The following THUMPD3 variants were observed in gnomAD, a reference collection of about 807,000 sequenced individuals.
THUMPD3 encodes THUMP domain 3 tRNA guanosine methyltransferase.
In THUMPD3, 44 loss-of-function variants were observed where a neutral mutation model predicts 54.5. The observed-to-expected ratio is 0.81, with a 90% CI of 0.63 to 1.04. The LOEUF is 1.04. THUMPD3 is among the 50% of genes least tolerant of loss of function. The pLI, the probability that THUMPD3 is intolerant of heterozygous loss-of-function variation, is 0.00. For synonymous variants in THUMPD3, 196 were observed against 201.4 expected, an observed-to-expected ratio of 0.97 and a Z score of 0.23; for missense variants, 604 against 601.3, an observed-to-expected ratio of 1.00 and a Z score of -0.05.
chr3:9,384,049 T>C (rs1335839828), intron 8 of THUMPD3, among the ~76,000 whole-genome samples, 163 bp from the exon 9 acceptor site: 1 of 152,264 alleles, frequency 6.6e-6, no homozygotes, highest in African/African-American at 2.4e-5. Flanking sequence ...CTAAGCAGTT[T>C]ACTAACTCAA....
chr3:9,377,601 C>G (rs1034063901), intron 5 of THUMPD3, among the ~76,000 whole-genome samples: 4 of 152,136 alleles, frequency 2.6e-5, no homozygotes, highest in Admixed American at 2.6e-4. Flanking sequence ...TCTTGAATTC[C>G]TGACCTCAAG....
chr3:9,375,908 A>G (rs1205693577), intron 5 of THUMPD3, among the ~76,000 whole-genome samples: 2 of 152,214 alleles, frequency 1.3e-5, no homozygotes, highest in African/African-American at 2.4e-5. Context: ...CTGCATTCAT[A>G]TATTTGGTCC....
chr3:9,382,078 C>T (rs1437338644), intron 7 of THUMPD3, among the ~76,000 whole-genome samples: 10 of 152,040 alleles, frequency 6.6e-5, no homozygotes, highest in African/African-American at 1.7e-4. Context: ...CCACTGTGCC[C>T]GGCCTCAACC....
intron 7 of THUMPD3, among the ~76,000 whole-genome samples, chr3:9,382,035 G>T (rs1321546462): frequency 6.6e-6 from 1 of 151,364 alleles, no homozygotes; most frequent in African/African-American, 2.4e-5. Flanking sequence ...TGCCCACCTT[G>T]GCCTCCCAAA....
At chr3:9,364,886 C>T in intron 1 of THUMPD3, 130 bp from the exon 2 acceptor site, 1 of 679,522 alleles carries the variant, frequency 1.5e-6, no homozygotes, top group Non-Finnish European at 2.4e-6. Context: ...GTTTATTCAA[C>T]CCTTTTTACT....
intron 5 of THUMPD3, among the ~76,000 whole-genome samples, chr3:9,375,659 C>T (rs2032407263): frequency 6.6e-6 from 1 of 152,178 alleles, no homozygotes; most frequent in South Asian, 2.1e-4. Flanking sequence ...GACAGGGATA[C>T]ATTCTGAAAA....
intron 6 of THUMPD3, among the ~76,000 whole-genome samples, chr3:9,378,565 A>G (rs922284643): frequency 1.3e-5 from 2 of 152,246 alleles, no homozygotes; most frequent in Non-Finnish European, 2.9e-5. Flanking sequence ...TAGTTCTTCC[A>G]TATAGTATAC....
At position 9,384,910 on chromosome 3, in the gene THUMPD3, C is replaced by A; in HGVS notation, c.*222C>A. 1 of 518,800 alleles carries A rather than the reference C, an allele frequency of 1.9e-6. No homozygotes were observed. The highest frequency in any genetic ancestry group is 1.9e-5 in the African/African-American group (1 of 52,190). 32.1% of individuals were successfully genotyped at this position (518,800 alleles called of 1,614,324 possible). A position where few individuals can be genotyped will look rare whatever the true frequency, so the allele number is the denominator to read the frequency against. ...ACTGTAATTCCAGCAGTTTAGGAAG[C>A]CGAAGTGTGCAGATCACCTGAGGTC... On this transcript the variant is annotated 3_prime_UTR_variant, in exon 10 of 10. Coordinates refer to ENST00000452837, the MANE Select transcript of THUMPD3 (RefSeq NM_001114092.2).
rs1270654227 is a variant in THUMPD3 at position 9,385,922 on chromosome 3, C to T, written c.*1234C>T. On this transcript the variant is annotated 3_prime_UTR_variant, in exon 10 of 10. Transcript: ENST00000452837. ...GAGAGTTTTGTGGAAAATGGTGCTT[C>T]CCTGGAACAAAGAGTAGTTGAGGTT... 6.6e-6 allele frequency: 1 copy of T among 152,170 alleles called. No individual in the cohort carries two copies. Among genetic ancestry groups the T allele is most frequent in the Non-Finnish European group, 1.5e-5 (1 of 68,028 alleles). The allele number at this position is 152,170 out of a possible 1,614,324, so 9.4% of individuals were successfully genotyped here.
intron 2 of THUMPD3, 73 bp downstream of exon 2, chr3:9,365,393 C>T: frequency 1.3e-6 from 2 of 1,531,332 alleles, no homozygotes; most frequent in South Asian, 1.2e-5. Context: ...TTTATAGACC[C>T]TTCTGGAATC....
chr3:9,363,502 TGGCACA>T (rs769019115), intron 1 of THUMPD3: 6 of 152,198 alleles, frequency 3.9e-5, no homozygotes, highest in Non-Finnish European at 5.9e-5. Flanking sequence ...CGTGTATCGC[TGGCACA>T]GCACAAGGAC....
At chr3:9,382,354 T>C (rs948095263) in intron 7 of THUMPD3, among the ~76,000 whole-genome samples, 9 of 152,288 alleles carry the variant, frequency 5.9e-5, no homozygotes, top group African/African-American at 2.2e-4. Flanking sequence ...ATGAGGAGGA[T>C]TTAAATCCTT....
Position 9,379,647 on chromosome 3 carries a change from AT to A in THUMPD3, c.1009-855del, listed in dbSNP as rs545364244. 1.2e-3 allele frequency among the ~76,000 whole-genome samples: 187 copies of A among 152,330 alleles called. 1 individual carries two copies. Among genetic ancestry groups the A allele is most frequent in the African/African-American group, 4.4e-3 (184 of 41,562 alleles). On this transcript the variant is annotated intron_variant, in intron 6 of 9. Transcript: ENST00000452837. ...TTATAATTACAAAATCCTTCCAGTG[AT>A]ATGGTGGTTACCATTCAAAAGCCTA...
In THUMPD3 at chr3:9,380,495, T is replaced by C. The variant is rs371678607; in HGVS notation, c.1009-8T>C. 97 of 1,582,002 alleles carry C rather than the reference T, an allele frequency of 6.1e-5. 1 individual carries two copies. Among genetic ancestry groups the C allele is most frequent in the African/African-American group, 4.7e-4 (35 of 74,038 alleles). On this transcript the variant is annotated splice_polypyrimidine_tract_variant and splice_region_variant and intron_variant, in intron 6 of 9. Transcript: ENST00000452837. ...ACTTTTGTTTTAACATACACTCTTATCTTTTAGGGGGCCACTGAATGGTCT... is the reference window on the plus strand; with the variant it reads ...ACTTTTGTTTTAACATACACTCTTACCTTTTAGGGGGCCACTGAATGGTCT...
At chr3:9,373,968 T>G (rs2032257137) in intron 4 of THUMPD3, among the ~76,000 whole-genome samples, 2 of 152,170 alleles carry the variant, frequency 1.3e-5, no homozygotes, top group Non-Finnish European at 2.9e-5. Context: ...AAATCTTAAG[T>G]TTTCAGTAAG....
chr3:9,377,183 T>C lies in THUMPD3; in HGVS notation c.939-636T>C, dbSNP rs1405748890. Among the ~76,000 whole-genome samples the C allele has an allele frequency of 2.0e-5, 3 of 152,114 alleles. No individual in the cohort carries two copies. In the East Asian group the frequency reaches 5.8e-4, roughly 29 times the overall value. ...AGGTTTCTGTTGAAAACAACACTGT[T>C]GTCAAAAAGTATGCATGAGCGTGTG... On this transcript the variant is annotated intron_variant, in intron 5 of 9. Transcript: ENST00000452837.
intron 3 of THUMPD3, among the ~76,000 whole-genome samples, chr3:9,367,997 G>A (rs564542787): frequency 9.9e-5 from 15 of 152,112 alleles, no homozygotes; most frequent in African/African-American, 2.9e-4. Context: ...CCCGGGAGGC[G>A]GAGCTGGCAG....
At position 9,384,733 on chromosome 3, in the gene THUMPD3, C is replaced by T. The variant is rs2033213339; in HGVS notation, c.*45C>T. The T allele has an allele frequency of 6.2e-7, 1 of 1,605,638 alleles. No individual in the cohort carries two copies. Among genetic ancestry groups the T allele is most frequent in the African/African-American group, 1.3e-5 (1 of 74,616 alleles). On this transcript the variant is annotated 3_prime_UTR_variant, in exon 10 of 10. Coordinates refer to ENST00000452837, the MANE Select transcript of THUMPD3 (RefSeq NM_001114092.2). ...TACTTCCCACCACTGGAAATGTTAG[C>T]ATAAAAGAACTTGGAGAGGAAAAAA... is the stretch of plus-strand genomic sequence containing the variant.
chr3:9,381,237 T>C (rs2032865713), intron 7 of THUMPD3, among the ~76,000 whole-genome samples: 1 of 152,210 alleles, frequency 6.6e-6, no homozygotes, highest in Non-Finnish European at 1.5e-5. Context: ...TGGACCATAG[T>C]CTTTAAAGTC....
Sources: gnomAD v4.1 joint callset for allele counts (sites outside exome capture counted in the v4.1 genomes callset) on GRCh38, gnomAD v4.1.1 for gene constraint, MANE v1.5 for transcripts, NCBI Gene and HGNC (gene_info 2026-07-23, HGNC 2026-07-21) for gene names.